CHSY3: variants seen among roughly 807,000 people sequenced by gnomAD.
CHSY3 encodes N-acetylgalactosaminyl-proteoglycan 3-beta-glucuronosyltransferase 3.
CHSY3 carries 35 observed loss-of-function variants against 67.2 expected under a neutral mutation model. The ratio of observed to expected loss-of-function variants is 0.52; its 90% CI spans 0.40 to 0.69. The LOEUF is 0.69. Ranked by LOEUF, CHSY3 falls within the 30% of genes least tolerant of loss-of-function variation. The pLI is 0.00. For missense variants in CHSY3, 1,069 were observed against 1,138.5 expected (o/e 0.94, Z 0.88); for synonymous variants, 474 against 434.7 (o/e 1.09, Z -1.12).
chr5:129,912,310 G>C (rs1422411293), intron 2 of CHSY3, among the ~76,000 whole-genome samples: 1 of 152,144 alleles, frequency 6.6e-6, no homozygotes, highest in East Asian at 1.9e-4. Context: ...CAGAACAATG[G>C]CCCCCTTTTT....
At chr5:130,073,236 C>T (rs1766143666) in intron 2 of CHSY3, among the ~76,000 whole-genome samples, 1 of 151,658 alleles carries the variant, frequency 6.6e-6, no homozygotes, top group Admixed American at 6.6e-5. Context: ...ATACATAGAT[C>T]AAAATGTCAT....
At chr5:130,080,179 C>A (rs1437791409) in intron 2 of CHSY3, among the ~76,000 whole-genome samples, 1 of 151,964 alleles carries the variant, frequency 6.6e-6, no homozygotes, top group African/African-American at 2.4e-5. Context: ...TTCAATCAAT[C>A]TATACTATAC....
At chr5:130,141,740 G>T (rs941656892) in intron 2 of CHSY3, 20 of 496,714 alleles carry the variant, frequency 4.0e-5, no homozygotes, top group Non-Finnish European at 7.5e-5. Context: ...CTTGATAAGG[G>T]TATTAAAATT....
At chr5:130,178,485 C>T (rs1223203729) in intron 2 of CHSY3, among the ~76,000 whole-genome samples, 1 of 151,646 alleles carries the variant, frequency 6.6e-6, no homozygotes, top group Non-Finnish European at 1.5e-5. Flanking sequence ...ATCTCCTGAC[C>T]TCGTGATCCG....
intron 2 of CHSY3, among the ~76,000 whole-genome samples, chr5:129,996,828 G>T (rs1164990460): frequency 2.0e-5 from 3 of 151,902 alleles, no homozygotes; most frequent in Non-Finnish European, 2.9e-5. Context: ...TATCATATTT[G>T]TAACAACCTA....
At chr5:129,956,874 G>A (rs899836828) in intron 2 of CHSY3, among the ~76,000 whole-genome samples, 1 of 151,996 alleles carries the variant, frequency 6.6e-6, no homozygotes, top group Non-Finnish European at 1.5e-5. Context: ...TAGCTCTTTA[G>A]TATAGCTTGA....
chr5:130,048,482 C>G (rs933649264), intron 2 of CHSY3, among the ~76,000 whole-genome samples: 1 of 151,818 alleles, frequency 6.6e-6, no homozygotes, highest in Non-Finnish European at 1.5e-5. Context: ...GCAGGTGCAG[C>G]TGTTTTCTTT....
intron 2 of CHSY3, among the ~76,000 whole-genome samples, chr5:130,048,415 T>A (rs1291542233): frequency 6.6e-6 from 1 of 152,108 alleles, no homozygotes; most frequent in Non-Finnish European, 1.5e-5. Context: ...AGTTTGAAAC[T>A]ATGATTTTCA....
At chr5:130,026,527 T>C (rs1764547962) in intron 2 of CHSY3, among the ~76,000 whole-genome samples, 1 of 152,146 alleles carries the variant, frequency 6.6e-6, no homozygotes, top group South Asian at 2.1e-4. Context: ...ATAGCAGTGA[T>C]TTATTTTACC....
chr5:130,015,562 C>T (rs1414808011), intron 2 of CHSY3, among the ~76,000 whole-genome samples: 1 of 151,952 alleles, frequency 6.6e-6, no homozygotes, highest in Non-Finnish European at 1.5e-5. Flanking sequence ...AGTCAGAATG[C>T]CTATTATTAA....
chr5:130,128,185 T>C (rs1768355864), intron 2 of CHSY3, among the ~76,000 whole-genome samples: 1 of 151,310 alleles, frequency 6.6e-6, no homozygotes, highest in Non-Finnish European at 1.5e-5. Flanking sequence ...ATGAACAAGA[T>C]TAAAAAATAT....
intron 2 of CHSY3, among the ~76,000 whole-genome samples, chr5:130,104,759 A>C (rs1767362086): frequency 6.6e-6 from 1 of 151,930 alleles, no homozygotes; most frequent in African/African-American, 2.4e-5. Context: ...GTATAAGTGC[A>C]TGACTGTAAT....
chr5:129,906,379 C>A (rs1369891875), intron 1 of CHSY3, among the ~76,000 whole-genome samples: 1 of 152,168 alleles, frequency 6.6e-6, no homozygotes, highest in Non-Finnish European at 1.5e-5. Context: ...AAGAGGAAAG[C>A]ACCCGCTAAT....
At chr5:130,093,620 A>G (rs1766949088) in intron 2 of CHSY3, among the ~76,000 whole-genome samples, 1 of 152,150 alleles carries the variant, frequency 6.6e-6, no homozygotes, top group African/African-American at 2.4e-5. Context: ...TTTATTTTGC[A>G]TTGAAAGAAA....
At chr5:130,039,281 T>A (rs1764943298) in intron 2 of CHSY3, among the ~76,000 whole-genome samples, 1 of 151,916 alleles carries the variant, frequency 6.6e-6, no homozygotes, top group Non-Finnish European at 1.5e-5. Context: ...GAATCCAGGA[T>A]TTTAAGACCA....
chr5:130,022,453 T>G (rs1175656376), intron 2 of CHSY3, among the ~76,000 whole-genome samples: 2 of 151,974 alleles, frequency 1.3e-5, no homozygotes, highest in Non-Finnish European at 2.9e-5. Context: ...GAATAGTAAA[T>G]AGTAAATTAT....
rs1760150157 is a variant in CHSY3 at position 129,904,514 on chromosome 5, C to G, written c.-316C>G. ...CGGACGCGTTGCCGCCGCCGCTGCT[C>G]CTCCTCCTCCTCCTGCAGCTCCTCC... On this transcript the variant is annotated 5_prime_UTR_variant, in exon 1 of 3. Coordinates refer to ENST00000305031, the MANE Select transcript of CHSY3 (RefSeq NM_175856.5). 3.9e-6 allele frequency: 1 copy of G among 253,206 alleles called. No individual in the cohort carries two copies. The highest frequency in any genetic ancestry group is 7.3e-6 in the Non-Finnish European group (1 of 136,510). The allele number at this position is 253,206 out of a possible 1,614,324, so 15.7% of individuals were successfully genotyped here.
rs758702529 is a variant in CHSY3 at position 130,184,636 on chromosome 5, C to T, written c.1494C>T (p.Thr498=). The T allele has an allele frequency of 1.2e-5, 19 of 1,603,954 alleles. No individual in the cohort carries two copies. Among genetic ancestry groups the T allele is most frequent in the Admixed American group, 5.0e-5 (3 of 59,956 alleles). ...TTTTAAGAACAGCACTGGATGATAC[C>T]GTCCTACAGGTGATGGAGATGATCA... ...SSILRTALDD[T]VLQVMEMINE... The change falls in exon 3 of 3, where the codon ACC becomes ACT. Residue 498 remains threonine, a synonymous_variant. Coordinates refer to ENST00000305031, the MANE Select transcript of CHSY3 (RefSeq NM_175856.5).
At chr5:129,981,581 T>C (rs1762986914) in intron 2 of CHSY3, among the ~76,000 whole-genome samples, 2 of 152,100 alleles carry the variant, frequency 1.3e-5, no homozygotes, top group South Asian at 4.1e-4. Flanking sequence ...TGCAGAGGTG[T>C]GATCATAGTT....
Sources: gnomAD v4.1 joint callset for allele counts (sites outside exome capture counted in the v4.1 genomes callset) on GRCh38, gnomAD v4.1.1 for gene constraint, MANE v1.5 for transcripts, NCBI Gene and HGNC (gene_info 2026-07-23, HGNC 2026-07-21) for gene names.